SLC20A2: variants seen among roughly 807,000 people sequenced by gnomAD.
The protein encoded by SLC20A2 is solute carrier family 20 member 2.
A neutral mutation model predicts 61.0 loss-of-function variants in SLC20A2; 30 were observed. The ratio of observed to expected loss-of-function variants is 0.49; its 90% CI spans 0.37 to 0.67. The LOEUF (loss-of-function observed/expected upper bound fraction) is 0.67, where lower values mean the gene tolerates loss of function less well. SLC20A2 is among the 30% of genes least tolerant of loss of function. The pLI, the probability that SLC20A2 is intolerant of heterozygous loss-of-function variation, is 0.00. For missense variants in SLC20A2, 626 were observed against 866.4 expected (o/e 0.72, Z 3.48); for synonymous variants, 351 against 353.3 (o/e 0.99, Z 0.07).
chr8:42,495,584 T>C (rs1809864142), intron 1 of SLC20A2, among the ~76,000 whole-genome samples: 1 of 152,192 alleles, frequency 6.6e-6, no homozygotes, highest in Non-Finnish European at 1.5e-5. Context: ...ATAATGAGGT[T>C]GAAAGATTGA....
intron 5 of SLC20A2, among the ~76,000 whole-genome samples, chr8:42,449,128 C>A (rs1026717386): frequency 1.4e-4 from 21 of 152,110 alleles, no homozygotes; most frequent in African/African-American, 4.8e-4. Context: ...TGGTACGGAT[C>A]TCGAATTGTT....
At chr8:42,450,180 A>T (rs369642958) in intron 5 of SLC20A2, among the ~76,000 whole-genome samples, 9 of 151,476 alleles carry the variant, frequency 5.9e-5, no homozygotes, top group South Asian at 2.1e-4. Flanking sequence ...ATAAGTAAAA[A>T]ATATATATAT....
intron 10 of SLC20A2, among the ~76,000 whole-genome samples, chr8:42,425,695 G>C (rs547931533): frequency 6.6e-6 from 1 of 152,160 alleles, no homozygotes; most frequent in African/African-American, 2.4e-5. Context: ...CATTCAGGGA[G>C]ACCTGCTTTA....
intron 10 of SLC20A2, among the ~76,000 whole-genome samples, chr8:42,424,549 T>C (rs1160798202): frequency 6.6e-6 from 1 of 152,212 alleles, no homozygotes; most frequent in Non-Finnish European, 1.5e-5. Flanking sequence ...AGTCCTCTGA[T>C]ATGAAATACA....
intron 5 of SLC20A2, among the ~76,000 whole-genome samples, chr8:42,452,165 A>AGGGGGAGGAAGAGAT (rs1805766195): frequency 7.5e-6 from 1 of 134,012 alleles, no homozygotes; most frequent in African/African-American, 3.0e-5. Flanking sequence ...GAAGAGATGG[A>AGGGGGAGGAAGAGAT]GGAGGAGGAG....
In SLC20A2 at chr8:42,463,357, C is replaced by T. The variant is rs1007379966; in HGVS notation, c.431-267G>A. 3.7e-5 allele frequency: 10 copies of T among 270,472 alleles called. 1 individual carries two copies. Among genetic ancestry groups the T allele is most frequent in the African/African-American group, 1.1e-4 (5 of 45,166 alleles). 16.8% of individuals were successfully genotyped at this position (270,472 alleles called of 1,614,324 possible). On this transcript the variant is annotated intron_variant, in intron 3 of 10. Transcript: ENST00000520262. ...GGTCAAGAAACCCCTGCCCCAAGCT[C>T]GGGCCTCAGAAGACAGCATCCTGAG...
chr8:42,424,871 C>T (rs1273740944), intron 10 of SLC20A2, among the ~76,000 whole-genome samples: 1 of 152,160 alleles, frequency 6.6e-6, no homozygotes, highest in Non-Finnish European at 1.5e-5. Context: ...CATGGAGAAA[C>T]CCCATTTCTA....
chr8:42,440,727 G>A (rs141748440), intron 6 of SLC20A2, among the ~76,000 whole-genome samples: 52 of 152,260 alleles, frequency 3.4e-4, no homozygotes, highest in African/African-American at 1.2e-3. Context: ...CATCAGCAAC[G>A]TACGAGGTTC....
intron 1 of SLC20A2, among the ~76,000 whole-genome samples, chr8:42,482,280 A>G (rs1808607144): frequency 6.6e-6 from 1 of 152,202 alleles, no homozygotes; most frequent in Admixed American, 6.5e-5. Flanking sequence ...TTACAATTCA[A>G]TGAGTCCATG....
In SLC20A2 at chr8:42,539,218, AG is replaced by A. The variant is rs548502139; in HGVS notation, c.-265+2602del. 5.9e-3 allele frequency among the ~76,000 whole-genome samples: 893 copies of A among 152,312 alleles called. 5 individuals are homozygous for A. The highest frequency in any genetic ancestry group is 0.01 in the Middle Eastern group (3 of 294). On this transcript the variant is annotated intron_variant, in intron 1 of 10. Transcript: ENST00000342228. ...GACCACCAGAATCTTCTGATAGCTAAGTTCCAGCATGCTTTTTTAATCACAA... is the reference window on the plus strand; with the variant it reads ...GACCACCAGAATCTTCTGATAGCTAATTCCAGCATGCTTTTTTAATCACAA...
At chr8:42,447,596 T>G (rs927464642) in intron 5 of SLC20A2, among the ~76,000 whole-genome samples, 9 of 151,572 alleles carry the variant, frequency 5.9e-5, no homozygotes, top group Non-Finnish European at 8.8e-5. Flanking sequence ...GAGAATGGCA[T>G]GAACCCGGAA....
intron 1 of SLC20A2, chr8:42,485,084 A>G: frequency 4.8e-6 from 1 of 208,870 alleles, no homozygotes; most frequent in Admixed American, 5.7e-5. Context: ...CCTCCTTCGC[A>G]GAGGTCAGGA....
chr8:42,503,740 G>A (rs1316008016), upstream of SLC20A2, among the ~76,000 whole-genome samples: 1 of 152,072 alleles, frequency 6.6e-6, no homozygotes, highest in Non-Finnish European at 1.5e-5. Context: ...ACCCACATGT[G>A]CCTGGTGACT....
chr8:42,433,061 A>G (rs1164736151), intron 8 of SLC20A2, among the ~76,000 whole-genome samples: 2 of 152,126 alleles, frequency 1.3e-5, no homozygotes, highest in African/African-American at 4.8e-5. Context: ...TCATGGTCCA[A>G]ATGATTTTTT....
At chr8:42,473,347 C>A (rs1345299291) in intron 1 of SLC20A2, among the ~76,000 whole-genome samples, 1 of 138,524 alleles carries the variant, frequency 7.2e-6, no homozygotes, top group Non-Finnish European at 1.5e-5. Context: ...TTCAGGCCTC[C>A]TCGCAGCTCA....
chr8:42,539,775 C>T (rs1215583042), intron 1 of SLC20A2, among the ~76,000 whole-genome samples: 3 of 152,164 alleles, frequency 2.0e-5, no homozygotes, highest in African/African-American at 7.2e-5. Flanking sequence ...TTCCAATGTC[C>T]TAGCATAGCC....
At chr8:42,525,272 G>C (rs770402988) in intron 1 of SLC20A2, among the ~76,000 whole-genome samples, 1 of 152,102 alleles carries the variant, frequency 6.6e-6, no homozygotes, top group Non-Finnish European at 1.5e-5. Flanking sequence ...GTATTATTAA[G>C]AGTCACATAT....
At chr8:42,541,469 T>G (rs1268035949) in intron 1 of SLC20A2, 1 of 121,922 alleles carries the variant, frequency 8.2e-6, no homozygotes, top group African/African-American at 3.1e-5. Flanking sequence ...GGGGCGGCAC[T>G]GGGGCCGCCG....
Position 42,437,624 on chromosome 8 carries a change from TTTC to T in SLC20A2, c.935-50_935-48del. 5.5e-6 allele frequency: 8 copies of T among 1,450,966 alleles called. No individual in the cohort carries two copies. Among genetic ancestry groups the T allele is most frequent in the African/African-American group, 1.4e-5 (1 of 70,118 alleles). 89.9% of individuals were successfully genotyped at this position (1,450,966 alleles called of 1,614,324 possible). A position where few individuals can be genotyped will look rare whatever the true frequency, so the allele number is the denominator to read the frequency against. The stretch of plus-strand genomic sequence containing the variant: ...CTCATTTTCCAGTCTTTTTTTTTTT[TTTC>T]TTTTCTTTTTGAGACGGAGCCTTGC... On this transcript the variant is annotated intron_variant, in intron 7 of 10. Coordinates refer to ENST00000520262, the MANE Select transcript of SLC20A2 (RefSeq NM_001257180.2). This position sits in a 1 kb window ranked among gnomAD's most constrained non-coding sequence, Gnocchi z 6.4.
Sources: gnomAD v4.1 joint callset for allele counts (sites outside exome capture counted in the v4.1 genomes callset) on GRCh38, gnomAD v4.1.1 for gene constraint, Gnocchi (gnomAD v3.1) non-coding constraint, MANE v1.5 for transcripts, NCBI Gene and HGNC (gene_info 2026-07-23, HGNC 2026-07-21) for gene names.